The following SLC9A3 variants were observed in gnomAD, a reference collection of about 807,000 sequenced individuals.
The protein encoded by SLC9A3 is solute carrier family 9 member A3, also known as sodium/hydrogen exchanger 3.
In SLC9A3, 37 loss-of-function variants were observed where a neutral mutation model predicts 86.8. That is an observed-to-expected ratio of 0.43 (90% CI 0.33 to 0.56). The LOEUF is 0.56. Ranked by LOEUF, SLC9A3 falls within the 20% of genes least tolerant of loss-of-function variation. The probability of loss-of-function intolerance (pLI) is 0.06; values close to 1 mark genes in which losing one functional copy is unlikely to be tolerated. For synonymous variants in SLC9A3, 581 were observed against 528.3 expected (o/e 1.10, Z -1.37); for missense variants, 1,011 against 1,171.9 (o/e 0.86, Z 2.00).
intron 11 of SLC9A3, among the ~76,000 whole-genome samples, 198 bp from the exon 12 acceptor site, chr5:476,870 T>G (rs755147311): frequency 7.9e-5 from 12 of 152,212 alleles, no homozygotes; most frequent in Non-Finnish European, 1.8e-4. Context: ...TTAGGCTGAC[T>G]CCCCACGAGG....
chr5:477,853 G>A (rs2278254), intron 10 of SLC9A3: 86,283 of 167,736 alleles, frequency 0.51, 22,648 homozygotes, highest in African/African-American at 0.59. Context: ...GAATCAGGTA[G>A]AGAACGGAGC....
intron 1 of SLC9A3, among the ~76,000 whole-genome samples, chr5:494,383 C>T (rs72702715): frequency 0.14 from 20,603 of 152,148 alleles, 1,852 homozygotes; most frequent in Non-Finnish European, 0.21. Context: ...TCCGGGCCTG[C>T]GAGGGGAAGG....
At chr5:485,344 C>T (rs758901031) in intron 3 of SLC9A3, 113 bp from the exon 4 acceptor site, 103 of 821,992 alleles carry the variant, frequency 1.3e-4, no homozygotes, top group Non-Finnish European at 1.9e-4. Flanking sequence ...CACCCGAGGC[C>T]GTTGGAAGGA....
At chr5:513,677 G>C (rs1016712104) in intron 1 of SLC9A3, among the ~76,000 whole-genome samples, 1 of 152,186 alleles carries the variant, frequency 6.6e-6, no homozygotes, top group African/African-American at 2.4e-5. Context: ...GGACACACGT[G>C]CTCCTCAGGG....
At chr5:500,590 G>A (rs1391407726) in intron 1 of SLC9A3, among the ~76,000 whole-genome samples, 4 of 149,782 alleles carry the variant, frequency 2.7e-5, no homozygotes, top group Admixed American at 6.6e-5. Context: ...GTGTGGACAT[G>A]GGGTCAGTGT....
chr5:490,606 C>T (rs1739689215), intron 2 of SLC9A3, among the ~76,000 whole-genome samples: 1 of 152,200 alleles, frequency 6.6e-6, no homozygotes, highest in African/African-American at 2.4e-5. Context: ...CCACACTCGA[C>T]ACAGCTGGGA....
rs1050527964 is a variant in SLC9A3, at chr5:480,276, G to T, written c.1518-311C>A. 46 of 304,904 alleles carry T rather than the reference G, an allele frequency of 1.5e-4. 1 individual carries two copies. Among genetic ancestry groups the T allele is most frequent in the Non-Finnish European group, 8.1e-5 (13 of 161,032 alleles). The allele number at this position is 304,904 out of a possible 1,614,324, so 18.9% of individuals were successfully genotyped here. On this transcript the variant is annotated intron_variant, in intron 9 of 16. Coordinates refer to ENST00000264938, the MANE Select transcript of SLC9A3 (RefSeq NM_004174.4). ...GGCCACATGGGGGGCACCTTCAGGT[G>T]CACAGGAGGAAGGGCAGGGGCGGAC...
intron 2 of SLC9A3, among the ~76,000 whole-genome samples, chr5:489,148 C>T (rs1267628796): frequency 1.3e-5 from 2 of 152,212 alleles, no homozygotes; most frequent in East Asian, 1.9e-4. Context: ...CGTGGGGGTG[C>T]CAGGCTCCAG....
chr5:492,502 C>T (rs920973143), intron 1 of SLC9A3, among the ~76,000 whole-genome samples: 5 of 151,836 alleles, frequency 3.3e-5, no homozygotes, highest in African/African-American at 1.2e-4. Flanking sequence ...GGGCTCAGAG[C>T]TGCAGGCATC....
At chr5:482,345 G>T (rs1054956083) in intron 7 of SLC9A3, among the ~76,000 whole-genome samples, 188 bp from the exon 8 acceptor site, 6 of 152,102 alleles carry the variant, frequency 3.9e-5, no homozygotes, top group African/African-American at 1.4e-4. Context: ...ATCCACCAGC[G>T]AAGGCCCGGG....
At chr5:494,706 C>A (rs1739940068) in intron 1 of SLC9A3, among the ~76,000 whole-genome samples, 3 of 152,202 alleles carry the variant, frequency 2.0e-5, no homozygotes, top group Admixed American at 2.0e-4. Flanking sequence ...GGCGCCTGCC[C>A]ACCCGCAGGC....
intron 3 of SLC9A3, among the ~76,000 whole-genome samples, chr5:486,789 TGAG>T (rs1169879239): frequency 1.3e-5 from 2 of 152,108 alleles, no homozygotes; most frequent in Non-Finnish European, 2.9e-5. Context: ...GACGGCCACG[TGAG>T]GACACGGGAA....
At chr5:475,719 C>T (rs1324770082) in intron 14 of SLC9A3, 48 bp from the exon 15 acceptor site, 3 of 1,032,050 alleles carry the variant, frequency 2.9e-6, no homozygotes, top group Non-Finnish European at 3.0e-6. Flanking sequence ...GGGGGGCTGT[C>T]CTCACAGCCC....
chr5:501,804 C>T (rs970824849), intron 1 of SLC9A3, among the ~76,000 whole-genome samples: 40 of 152,342 alleles, frequency 2.6e-4, no homozygotes, highest in Admixed American at 8.5e-4. Context: ...CACGGAGGTC[C>T]GCCGTGCGGC....
At chr5:482,851 C>T (rs149560058) in intron 6 of SLC9A3, 101 bp from the exon 7 acceptor site, 74 of 893,996 alleles carry the variant, frequency 8.3e-5, no homozygotes, top group African/African-American at 6.8e-4. Flanking sequence ...CATGTGCTGA[C>T]GAAGAACAGC....
Position 471,956 on chromosome 5 carries a change from A to G in SLC9A3, c.*1423T>C, listed in dbSNP as rs1738381081. Reference sequence around the variant, plus strand: ...GAACTCCTCCTGACTGGTGACTGTCAACACTTGATCTGAAACGTGAATAGT... The same window carrying G: ...GAACTCCTCCTGACTGGTGACTGTCGACACTTGATCTGAAACGTGAATAGT... On this transcript the variant is annotated 3_prime_UTR_variant, in exon 17 of 17. Coordinates refer to ENST00000264938, the MANE Select transcript of SLC9A3 (RefSeq NM_004174.4). The G allele has an allele frequency of 2.2e-6, 1 of 456,690 alleles. No individual in the cohort carries two copies. The highest frequency in any genetic ancestry group is 2.3e-5 in the Admixed American group (1 of 42,586). The allele number at this position is 456,690 out of a possible 1,614,324, so 28.3% of individuals were successfully genotyped here.
At chr5:513,986 C>T (rs115427791) in intron 1 of SLC9A3, among the ~76,000 whole-genome samples, 3,237 of 152,332 alleles carry the variant, frequency 0.021, 55 homozygotes, top group Non-Finnish European at 0.033. Context: ...GAGCCAGTTC[C>T]GCCTGAAGAG....
At chr5:480,140 C>A in intron 9 of SLC9A3, 175 bp from the exon 10 acceptor site, 1 of 641,476 alleles carries the variant, frequency 1.6e-6, no homozygotes. Flanking sequence ...CGTTCTCCCG[C>A]CTGTCCTGTT....
intron 1 of SLC9A3, among the ~76,000 whole-genome samples, chr5:506,390 A>G (rs575618675): frequency 6.6e-6 from 1 of 152,280 alleles, no homozygotes; most frequent in Non-Finnish European, 1.5e-5. Context: ...CACAGGGCGC[A>G]TTCTCACGCG....
Sources: gnomAD v4.1 joint callset for allele counts (sites outside exome capture counted in the v4.1 genomes callset) on GRCh38, gnomAD v4.1.1 for gene constraint, MANE v1.5 for transcripts, NCBI Gene and HGNC (gene_info 2026-07-23, HGNC 2026-07-21) for gene names.